Variants in EPB41L4A observed in about 807,000 individuals in gnomAD.
The protein encoded by EPB41L4A is band 4.1-like protein 4A.
EPB41L4A carries 100 observed loss-of-function variants against 108.6 expected under a neutral mutation model. The observed-to-expected ratio is 0.92, with a 90% CI of 0.78 to 1.09. The LOEUF (loss-of-function observed/expected upper bound fraction) is 1.09. Among genes scored for constraint, EPB41L4A ranks in the 50% least tolerant of loss-of-function variants. EPB41L4A has a pLI of 0.00. For missense variants in EPB41L4A, 1,030 were observed against 842.7 expected (o/e 1.22, Z -2.75); for synonymous variants, 319 against 289.0 (o/e 1.10, Z -1.05).
intron 1 of EPB41L4A, among the ~76,000 whole-genome samples, chr5:112,381,112 G>T (rs1760150220): frequency 6.6e-6 from 1 of 152,160 alleles, no homozygotes; most frequent in African/African-American, 2.4e-5. Flanking sequence ...AAAAATGCAT[G>T]AACAGTTACA....
upstream of EPB41L4A, chr5:112,419,476 C>T (rs2112863326): frequency 5.4e-6 from 2 of 367,002 alleles, no homozygotes; most frequent in East Asian, 7.4e-5. Context: ...CACCTCCCTC[C>T]TGCCGCACGG....
intron 1 of EPB41L4A, among the ~76,000 whole-genome samples, chr5:112,406,664 G>A (rs1460848272): frequency 6.6e-6 from 1 of 152,072 alleles, no homozygotes; most frequent in Non-Finnish European, 1.5e-5. Flanking sequence ...GCAGTTAGGA[G>A]TATGGGAGGT....
intron 15 of EPB41L4A, among the ~76,000 whole-genome samples, chr5:112,203,961 C>T (rs959236208): frequency 1.3e-5 from 2 of 151,868 alleles, no homozygotes; most frequent in African/African-American, 2.4e-5. Flanking sequence ...ATCGCCTGAA[C>T]CCAGGAGGCG....
At chr5:112,408,955 T>C (rs979842796) in intron 1 of EPB41L4A, among the ~76,000 whole-genome samples, 1 of 152,056 alleles carries the variant, frequency 6.6e-6, no homozygotes, top group South Asian at 2.1e-4. Flanking sequence ...AATTCCACTC[T>C]TAGGTATATA....
rs549055440 is a variant in EPB41L4A at position 112,214,485 on chromosome 5, C to T, written c.1088-4503G>A. On this transcript the variant is annotated intron_variant, in intron 12 of 22. Transcript: ENST00000261486. The stretch of plus-strand genomic sequence containing the variant: ...CAAGAATTAAAACACAGAGGGCAGC[C>T]GGGCGCGGCGGCTCACGCCTGTAAT... Among the ~76,000 whole-genome samples, 17 of 151,798 alleles carry T rather than the reference C, an allele frequency of 1.1e-4. No homozygotes were observed. In the East Asian group the frequency reaches 1.8e-3, roughly 16 times the overall value.
intron 11 of EPB41L4A, among the ~76,000 whole-genome samples, chr5:112,237,898 G>A (rs7723465): frequency 0.56 from 85,319 of 151,974 alleles, 24,621 homozygotes; most frequent in African/African-American, 0.67. Flanking sequence ...CCACAAAATT[G>A]GAACAGATTT....
intron 4 of EPB41L4A, among the ~76,000 whole-genome samples, chr5:112,270,915 T>C (rs1752222063): frequency 6.6e-6 from 1 of 152,224 alleles, no homozygotes; most frequent in Non-Finnish European, 1.5e-5. Context: ...ATATTATGAA[T>C]GAGTCATCTG....
chr5:112,345,780 TACACACACACAC>T (rs60638685), intron 1 of EPB41L4A, among the ~76,000 whole-genome samples: 2,909 of 74,588 alleles, frequency 0.039, 88 homozygotes, highest in African/African-American at 0.12. Flanking sequence ...TATATATATA[TACACACACACAC>T]ACACACACAC....
At chr5:112,293,062 G>A (rs912745378) in intron 2 of EPB41L4A, among the ~76,000 whole-genome samples, 1 of 152,048 alleles carries the variant, frequency 6.6e-6, no homozygotes, top group African/African-American at 2.4e-5. Context: ...GCATACCTAC[G>A]TACCTGGTTG....
chr5:112,176,952 A>G (rs1580372221), intron 18 of EPB41L4A, among the ~76,000 whole-genome samples: 1 of 151,860 alleles, frequency 6.6e-6, no homozygotes, highest in East Asian at 1.9e-4. Context: ...ACGAGGTTTC[A>G]CCACGTTGGC....
intron 15 of EPB41L4A, among the ~76,000 whole-genome samples, chr5:112,202,341 G>A (rs1158450438): frequency 6.6e-6 from 1 of 152,116 alleles, no homozygotes; most frequent in African/African-American, 2.4e-5. Flanking sequence ...TTCTCTCTTT[G>A]CATTCCTTCA....
chr5:112,297,147 G>T (rs1283860730), intron 2 of EPB41L4A, among the ~76,000 whole-genome samples: 1 of 152,052 alleles, frequency 6.6e-6, no homozygotes, highest in Non-Finnish European at 1.5e-5. Flanking sequence ...TCCTCTGGGT[G>T]GATACCCAGT....
At chr5:112,259,381 G>T in intron 8 of EPB41L4A, 89 bp from the exon 9 acceptor site, 1 of 1,013,088 alleles carries the variant, frequency 9.9e-7, no homozygotes, top group Non-Finnish European at 1.6e-6. Flanking sequence ...AAAGACTGGT[G>T]AATACTGGCT....
At chr5:112,362,417 A>G (rs1736682477) in intron 1 of EPB41L4A, among the ~76,000 whole-genome samples, 1 of 151,578 alleles carries the variant, frequency 6.6e-6, no homozygotes, top group Non-Finnish European at 1.5e-5. Flanking sequence ...AGTAGCTGGG[A>G]TTACAGGTAT....
intron 15 of EPB41L4A, among the ~76,000 whole-genome samples, chr5:112,202,923 C>A (rs552518221): frequency 1.4e-3 from 209 of 152,260 alleles, no homozygotes; most frequent in African/African-American, 4.8e-3. Flanking sequence ...GTCATTTAGG[C>A]TGGGTGCAGT....
At chr5:112,317,055 C>T (rs945765611) in intron 1 of EPB41L4A, among the ~76,000 whole-genome samples, 3 of 152,134 alleles carry the variant, frequency 2.0e-5, no homozygotes, top group Non-Finnish European at 4.4e-5. Context: ...TGAGTCAGTG[C>T]ACATGGAAAG....
intron 1 of EPB41L4A, among the ~76,000 whole-genome samples, 157 bp from the exon 2 acceptor site, chr5:112,307,647 A>G (rs1037539043): frequency 1.3e-5 from 2 of 152,176 alleles, no homozygotes; most frequent in African/African-American, 4.8e-5. Flanking sequence ...TTATGAAGAA[A>G]AAAACGTGAT....
intron 1 of EPB41L4A, among the ~76,000 whole-genome samples, chr5:112,319,901 A>G (rs1755662816): frequency 6.6e-6 from 1 of 152,164 alleles, no homozygotes; most frequent in African/African-American, 2.4e-5. Context: ...GTATTAAAGC[A>G]TTTAGGGGTA....
At chr5:112,326,546 A>G (rs1255763271) in intron 1 of EPB41L4A, among the ~76,000 whole-genome samples, 1 of 152,190 alleles carries the variant, frequency 6.6e-6, no homozygotes, top group East Asian at 1.9e-4. Flanking sequence ...AAGTTCTACC[A>G]ATGGGCTTTT....
Sources: gnomAD v4.1 joint callset for allele counts (sites outside exome capture counted in the v4.1 genomes callset) on GRCh38, gnomAD v4.1.1 for gene constraint, MANE v1.5 for transcripts, NCBI Gene and HGNC (gene_info 2026-07-23, HGNC 2026-07-21) for gene names.